The following SLC35F4 variants were observed in gnomAD, a reference collection of about 807,000 sequenced individuals.
SLC35F4 encodes solute carrier family 35 member F4.
A neutral mutation model predicts 44.2 loss-of-function variants in SLC35F4; 24 were observed. The observed-to-expected ratio is 0.54, with a 90% confidence interval of 0.39 to 0.76. The LOEUF (loss-of-function observed/expected upper bound fraction) is 0.76, where lower values mean the gene tolerates loss of function less well. SLC35F4 is among the 30% of genes least tolerant of loss of function. The probability of loss-of-function intolerance (pLI) is 0.00; values close to 1 mark genes in which losing one functional copy is unlikely to be tolerated. For synonymous variants in SLC35F4, 238 were observed against 223.6 expected (o/e 1.06, Z -0.57); for missense variants, 562 against 586.1 (o/e 0.96, Z 0.42).
chr14:57,861,468 A>G (rs565160082), intron 1 of SLC35F4, among the ~76,000 whole-genome samples: 38 of 152,294 alleles, frequency 2.5e-4, no homozygotes, highest in African/African-American at 7.7e-4. Flanking sequence ...ATCTTTAAAG[A>G]AAGAAAAACT....
At position 57,889,000 on chromosome 14, in the gene SLC35F4, A is replaced by G. The variant is rs79251527; in HGVS notation, n.282+92913T>C. Reference sequence around the variant, plus strand: ...CCTCATGCTAGTCACTGGGGTGACAATGTTCAACAAGACAGACAAGTTACC... The same window carrying G: ...CCTCATGCTAGTCACTGGGGTGACAGTGTTCAACAAGACAGACAAGTTACC... On this transcript the variant is annotated intron_variant and non_coding_transcript_variant, in intron 1 of 1. Coordinates refer to the SLC35F4 transcript ENST00000556568. Among the ~76,000 whole-genome samples the G allele has an allele frequency of 9.8e-5, 15 of 152,346 alleles. No individual in the cohort carries two copies. The East Asian group carries it at 2.3e-3, about 24-fold the overall frequency.
At chr14:57,854,822 C>G (rs190844002) in intron 1 of SLC35F4, among the ~76,000 whole-genome samples, 2,577 of 152,274 alleles carry the variant, frequency 0.017, 81 homozygotes, top group African/African-American at 0.055. Flanking sequence ...CAGGTAGAAC[C>G]GTCCCTTTCT....
chr14:57,792,814 C>G (rs796836551), intron 1 of SLC35F4, among the ~76,000 whole-genome samples: 4 of 145,682 alleles, frequency 2.7e-5, no homozygotes, highest in African/African-American at 7.9e-5. Context: ...AGACTACACA[C>G]TGGGTGCCGT....
At chr14:57,865,584 C>A (rs1487427737) in intron 1 of SLC35F4, 139 bp downstream of exon 1, 1 of 644,648 alleles carries the variant, frequency 1.6e-6, no homozygotes, top group Non-Finnish European at 2.5e-6. Flanking sequence ...GGGTCCCCGC[C>A]GCCAGGAAGG....
intron 1 of SLC35F4, among the ~76,000 whole-genome samples, chr14:57,609,089 A>G (rs1341917917): frequency 6.6e-6 from 1 of 152,188 alleles, no homozygotes; most frequent in Non-Finnish European, 1.5e-5. Context: ...TAATTTAAGG[A>G]GTCGATAAAC....
At chr14:57,801,405 T>C (rs2140855280) in intron 1 of SLC35F4, among the ~76,000 whole-genome samples, 1 of 152,160 alleles carries the variant, frequency 6.6e-6, no homozygotes, top group East Asian at 1.9e-4. Flanking sequence ...CCAGCCACTA[T>C]AAAAATACAC....
chr14:57,594,137 A>C lies in SLC35F4; in HGVS notation c.104-13T>G. On this transcript the variant is annotated splice_polypyrimidine_tract_variant and intron_variant, in intron 1 of 7. Transcript: ENST00000556826. ...GATCTGGAGGTACCTGGAAAGACAG[A>C]GTTCACGCCAGTTTGAGAACTGCCT... 3.1e-6 allele frequency: 5 copies of C among 1,588,052 alleles called. No homozygotes were observed. Among genetic ancestry groups the C allele is most frequent in the Non-Finnish European group, 4.3e-6 (5 of 1,162,934 alleles).
At chr14:57,662,019 A>T (rs2074154389) in intron 1 of SLC35F4, among the ~76,000 whole-genome samples, 1 of 152,112 alleles carries the variant, frequency 6.6e-6, no homozygotes, top group Admixed American at 6.6e-5. Flanking sequence ...ATGATTTAAA[A>T]CCCATTCAAA....
At chr14:57,711,203 G>C (rs1361876794) in intron 1 of SLC35F4, among the ~76,000 whole-genome samples, 1 of 152,008 alleles carries the variant, frequency 6.6e-6, no homozygotes, top group Admixed American at 6.6e-5. Flanking sequence ...TAAGCATCTG[G>C]CATTTCCTCT....
At chr14:57,744,257 A>T (rs188342711) in intron 1 of SLC35F4, among the ~76,000 whole-genome samples, 1 of 152,208 alleles carries the variant, frequency 6.6e-6, no homozygotes. Flanking sequence ...AATAAAGGGT[A>T]TTCAATTAGG....
At chr14:57,970,482 G>A (rs1051722888) in intron 1 of SLC35F4, among the ~76,000 whole-genome samples, 7 of 152,118 alleles carry the variant, frequency 4.6e-5, no homozygotes, top group African/African-American at 1.7e-4. Context: ...AAGAGTCTAT[G>A]GGTGATGAAT....
intron 1 of SLC35F4, among the ~76,000 whole-genome samples, chr14:57,879,965 A>C (rs1387940067): frequency 2.6e-5 from 4 of 151,210 alleles, no homozygotes; most frequent in South Asian, 2.1e-4. Flanking sequence ...GAAGGAAGGA[A>C]GGACGGAAGA....
At chr14:57,676,120 A>C (rs2074684329) in intron 1 of SLC35F4, among the ~76,000 whole-genome samples, 1 of 152,128 alleles carries the variant, frequency 6.6e-6, no homozygotes, top group Admixed American at 6.5e-5. Context: ...AGCAAGAGAA[A>C]AACAAGTAAT....
chr14:57,891,227 A>G (rs1321399084), intron 1 of SLC35F4, among the ~76,000 whole-genome samples: 1 of 152,232 alleles, frequency 6.6e-6, no homozygotes, highest in African/African-American at 2.4e-5. Context: ...CTTGTGCCTA[A>G]GATCTTTTAA....
chr14:57,660,053 C>T (rs2074088822), intron 1 of SLC35F4, among the ~76,000 whole-genome samples: 1 of 152,182 alleles, frequency 6.6e-6, no homozygotes, highest in African/African-American at 2.4e-5. Flanking sequence ...TTCAGTTATA[C>T]TAACATGCAA....
At chr14:57,732,588 T>C (rs929649934) in intron 1 of SLC35F4, among the ~76,000 whole-genome samples, 3 of 152,142 alleles carry the variant, frequency 2.0e-5, no homozygotes, top group East Asian at 1.9e-4. Context: ...AGCCCTTCAA[T>C]TGTAGTAACT....
At chr14:57,740,303 T>A (rs1373236859) in intron 1 of SLC35F4, among the ~76,000 whole-genome samples, 1 of 152,240 alleles carries the variant, frequency 6.6e-6, no homozygotes, top group African/African-American at 2.4e-5. Flanking sequence ...ATTTTCCAAG[T>A]ACTCACTGAC....
intron 1 of SLC35F4, among the ~76,000 whole-genome samples, chr14:57,961,171 A>T (rs529228309): frequency 6.6e-6 from 1 of 152,070 alleles, no homozygotes; most frequent in Non-Finnish European, 1.5e-5. Flanking sequence ...ACTCATGGTT[A>T]CTCAGCCGTG....
At chr14:57,898,718 T>C (rs1243760255) in intron 1 of SLC35F4, among the ~76,000 whole-genome samples, 1 of 152,248 alleles carries the variant, frequency 6.6e-6, no homozygotes, top group African/African-American at 2.4e-5. Context: ...GTAAGAGCCC[T>C]ATTGCTTTTT....
Sources: allele counts gnomAD v4.1 joint callset (sites outside exome capture counted in the v4.1 genomes callset), GRCh38; gene constraint gnomAD v4.1.1; transcripts MANE v1.5; gene names NCBI Gene and HGNC (gene_info 2026-07-23, HGNC 2026-07-21).